Variants in ITPR2 observed in about 807,000 individuals in gnomAD.
ITPR2 encodes the protein inositol 1,4,5-trisphosphate-gated calcium channel ITPR2.
Under a neutral mutation model 317.1 loss-of-function variants are expected in ITPR2, and 207 were observed. The observed-to-expected ratio is 0.65, with a 90% CI of 0.58 to 0.73. ITPR2 has a LOEUF of 0.73. ITPR2 is among the 30% of genes least tolerant of loss of function. The pLI is 0.00. For synonymous variants in ITPR2, 1,156 were observed against 1,149.1 expected, an observed-to-expected ratio of 1.01 and a Z score of -0.12; for missense variants, 2,613 against 3,284.0, an observed-to-expected ratio of 0.80 and a Z score of 4.99.
At chr12:26,784,356 C>CG (rs1565762717) in intron 2 of ITPR2, among the ~76,000 whole-genome samples, 2 of 45,794 alleles carry the variant, frequency 4.4e-5, no homozygotes, top group Non-Finnish European at 5.7e-5. Context: ...TCTCCCTCTC[C>CG]CTCTCCCTCC....
At chr12:26,407,845 G>A (rs1940403986) in intron 52 of ITPR2, among the ~76,000 whole-genome samples, 1 of 152,182 alleles carries the variant, frequency 6.6e-6, no homozygotes, top group Non-Finnish European at 1.5e-5. Flanking sequence ...GGGTTGTTGT[G>A]ATAATTAAGT....
chr12:26,516,280 G>GGAAA (rs1565574580), intron 37 of ITPR2, among the ~76,000 whole-genome samples: 10 of 45,188 alleles, frequency 2.2e-4, no homozygotes, highest in African/African-American at 6.8e-4. Context: ...AGGAAGGGAA[G>GGAAA]GGAAGGGAAA....
chr12:26,466,965 A>C (rs1341159783), intron 45 of ITPR2, among the ~76,000 whole-genome samples: 2 of 152,234 alleles, frequency 1.3e-5, no homozygotes, highest in African/African-American at 2.4e-5. Flanking sequence ...TAGAGATGGA[A>C]GTTATGTATC....
intron 24 of ITPR2, among the ~76,000 whole-genome samples, chr12:26,623,605 C>T (rs111416235): frequency 0.012 from 1,867 of 152,254 alleles, 38 homozygotes; most frequent in African/African-American, 0.043. Context: ...CAGGCATCCA[C>T]TGGGGGTCTT....
chr12:26,682,568 A>T lies in ITPR2; in HGVS notation c.1248+6T>A. 8 of 1,576,428 alleles carry T rather than the reference A, an allele frequency of 5.1e-6. No individual in the cohort carries two copies. Among genetic ancestry groups the T allele is most frequent in the Non-Finnish European group, 5.2e-6 (6 of 1,149,850 alleles). On this transcript the variant is annotated splice_donor_region_variant and intron_variant, in intron 12 of 56. Transcript: ENST00000381340. ...TGAAAATTAAACCATCTTCAGTGAC[A>T]TTTACCTTTAACATAACAGGCCTCT...
At chr12:26,494,942 GT>G (rs1263864769) in intron 38 of ITPR2, among the ~76,000 whole-genome samples, 3 of 152,046 alleles carry the variant, frequency 2.0e-5, no homozygotes, top group Non-Finnish European at 4.4e-5. Context: ...TTATAACTTA[GT>G]TTAACTATTT....
intron 26 of ITPR2, among the ~76,000 whole-genome samples, chr12:26,608,363 A>G (rs1484409789): frequency 6.6e-6 from 1 of 152,244 alleles, no homozygotes; most frequent in African/African-American, 2.4e-5. Flanking sequence ...CTGCTTTCAT[A>G]AGAACACATC....
intron 2 of ITPR2, among the ~76,000 whole-genome samples, chr12:26,748,082 G>A (rs1373751172): frequency 6.6e-6 from 1 of 151,946 alleles, no homozygotes; most frequent in Non-Finnish European, 1.5e-5. Context: ...TTTTTGAGAT[G>A]GAGTCTCACT....
At chr12:26,340,368 T>C (rs774460343) in intron 55 of ITPR2, 40 bp from the exon 56 acceptor site, 2 of 1,545,940 alleles carry the variant, frequency 1.3e-6, no homozygotes, top group Non-Finnish European at 1.7e-6. Context: ...GGAATAAGTA[T>C]GGAAGGGGAG....
chr12:26,360,931 C>G (rs1233553529), intron 55 of ITPR2, among the ~76,000 whole-genome samples: 2 of 151,956 alleles, frequency 1.3e-5, no homozygotes, highest in East Asian at 3.9e-4. Flanking sequence ...ACAATGTTAG[C>G]AGCCAGGCGC....
chr12:26,455,173 G>A (rs1422376555), intron 45 of ITPR2, among the ~76,000 whole-genome samples: 2 of 151,830 alleles, frequency 1.3e-5, no homozygotes, highest in Non-Finnish European at 2.9e-5. Flanking sequence ...ATCGGGGGTG[G>A]AATATGAAGA....
chr12:26,607,192 C>T (rs1591955559), intron 26 of ITPR2, among the ~76,000 whole-genome samples: 2 of 152,154 alleles, frequency 1.3e-5, no homozygotes. Context: ...GTACTGGTAG[C>T]CTTCTCTGGT....
At chr12:26,492,822 T>C (rs966677408) in intron 39 of ITPR2, among the ~76,000 whole-genome samples, 1 of 152,034 alleles carries the variant, frequency 6.6e-6, no homozygotes, top group African/African-American at 2.4e-5. Context: ...TTTTAAATGC[T>C]CTCACTACAA....
intron 15 of ITPR2, among the ~76,000 whole-genome samples, chr12:26,661,269 T>TGGGGGGGGGGGGGGGGGGGGG (rs1332276817): frequency 1.5e-4 from 1 of 6,750 alleles, no homozygotes; most frequent in Admixed American, 2.6e-3. Flanking sequence ...GGTAGGGGTG[T>TGGGGGGGGGGGGGGGGGGGGG]GTGTGTGGGG....
At chr12:26,435,815 C>T (rs1346719496) in intron 48 of ITPR2, among the ~76,000 whole-genome samples, 1 of 152,048 alleles carries the variant, frequency 6.6e-6, no homozygotes, top group East Asian at 1.9e-4. Flanking sequence ...CATGTATGCT[C>T]ACTATAGAAA....
chr12:26,401,035 G>C (rs1224861612), intron 52 of ITPR2, among the ~76,000 whole-genome samples: 4 of 151,606 alleles, frequency 2.6e-5, no homozygotes, highest in Non-Finnish European at 5.9e-5. Context: ...TTTGAGACCA[G>C]CCTGGCCAAC....
chr12:26,683,221 A>G (rs576423844), intron 11 of ITPR2, among the ~76,000 whole-genome samples: 87 of 152,270 alleles, frequency 5.7e-4, no homozygotes, highest in African/African-American at 2.0e-3. Context: ...ATCAATATTC[A>G]AGGAGCTTTT....
chr12:26,543,494 A>G (rs1290593658), intron 37 of ITPR2, among the ~76,000 whole-genome samples: 1 of 152,096 alleles, frequency 6.6e-6, no homozygotes, highest in Non-Finnish European at 1.5e-5. Flanking sequence ...TAGAAATCAC[A>G]TTGCCCTCAG....
chr12:26,664,861 G>T (rs1947587446), intron 14 of ITPR2, among the ~76,000 whole-genome samples: 1 of 152,058 alleles, frequency 6.6e-6, no homozygotes, highest in Non-Finnish European at 1.5e-5. Context: ...GAAAAAAGTT[G>T]ATTTTGTATT....
Sources: gnomAD v4.1 joint callset for allele counts (sites outside exome capture counted in the v4.1 genomes callset) on GRCh38, gnomAD v4.1.1 for gene constraint, MANE v1.5 for transcripts, NCBI Gene and HGNC (gene_info 2026-07-23, HGNC 2026-07-21) for gene names.